The following FHIT variants were observed in gnomAD, a reference collection of about 807,000 sequenced individuals.
FHIT encodes bis(5'-adenosyl)-triphosphatase.
In FHIT, 19 loss-of-function variants were observed where a neutral mutation model predicts 17.9. The ratio of observed to expected loss-of-function variants is 1.06; its 90% confidence interval spans 0.74 to 1.56. FHIT has a LOEUF of 1.56. FHIT is among the 40% of genes most tolerant of loss of function. The pLI, the probability that FHIT is intolerant of heterozygous loss-of-function variation, is 0.00. For synonymous variants in FHIT, 81 were observed against 69.7 expected (o/e 1.16, Z -0.81); for missense variants, 248 against 189.2 (o/e 1.31, Z -1.82).
At chr3:60,287,370 T>C (rs909821051) in intron 5 of FHIT, among the ~76,000 whole-genome samples, 3 of 152,046 alleles carry the variant, frequency 2.0e-5, no homozygotes, top group African/African-American at 7.2e-5. Context: ...GCTTTCACCA[T>C]GTTAGCCAGG....
At chr3:60,344,764 AAAACT>A (rs1206948665) in intron 5 of FHIT, among the ~76,000 whole-genome samples, 43 of 152,298 alleles carry the variant, frequency 2.8e-4, no homozygotes, top group Middle Eastern at 3.4e-3. Context: ...AAGCCACACG[AAAACT>A]GTATTCTAAC....
chr3:60,111,045 T>G, intron 5 of FHIT, among the ~76,000 whole-genome samples: 1 of 151,884 alleles, frequency 6.6e-6, no homozygotes, highest in Non-Finnish European at 1.5e-5. Context: ...TTGTCAGAGG[T>G]GAACTATACA....
At chr3:60,048,093 G>A (rs891226455) in intron 5 of FHIT, among the ~76,000 whole-genome samples, 1 of 152,188 alleles carries the variant, frequency 6.6e-6, no homozygotes, top group African/African-American at 2.4e-5. Flanking sequence ...ATGCCTTTGT[G>A]TGTCCTAATC....
chr3:60,363,940 T>A (rs921411570), intron 5 of FHIT, among the ~76,000 whole-genome samples: 1 of 152,142 alleles, frequency 6.6e-6, no homozygotes, highest in East Asian at 1.9e-4. Flanking sequence ...CTTCTGTCCT[T>A]TGAGGTTCCC....
intron 2 of FHIT, among the ~76,000 whole-genome samples, chr3:61,102,162 A>C (rs902940157): frequency 6.6e-6 from 1 of 152,092 alleles, no homozygotes; most frequent in Admixed American, 6.6e-5. Flanking sequence ...TCCAGTTTTT[A>C]TCCATTCAGT....
At chr3:59,806,663 C>CAT (rs141582270) in intron 8 of FHIT, among the ~76,000 whole-genome samples, 1 of 21,152 alleles carries the variant, frequency 4.7e-5, no homozygotes, top group African/African-American at 1.5e-4. Flanking sequence ...TATATGTATA[C>CAT]ATATATATGT....
At chr3:60,309,478 G>C (rs909273171) in intron 5 of FHIT, among the ~76,000 whole-genome samples, 2 of 152,090 alleles carry the variant, frequency 1.3e-5, no homozygotes, top group Non-Finnish European at 2.9e-5. Context: ...CCAAGATGAC[G>C]ACAAAACTTT....
chr3:59,896,354 T>C (rs564055823), intron 8 of FHIT, among the ~76,000 whole-genome samples: 113 of 152,238 alleles, frequency 7.4e-4, no homozygotes, highest in Non-Finnish European at 1.3e-3. Flanking sequence ...TAAAAGAAAA[T>C]ATGTGTTAAC....
In FHIT at chr3:60,052,106, G is replaced by A. The variant is rs146410168; in HGVS notation, c.104-37954C>T. On this transcript the variant is annotated intron_variant, in intron 5 of 9. Coordinates refer to ENST00000492590, the MANE Select transcript of FHIT (RefSeq NM_002012.4). ...CTACCCCATGAGCCACTTGTTTTTA[G>A]GAGTGGCTTTCCCTTGTATATAAAA... 1.4e-3 allele frequency among the ~76,000 whole-genome samples: 206 copies of A among 152,224 alleles called. 4 individuals are homozygous for A. The highest frequency in any genetic ancestry group is 0.01 in the East Asian group (53 of 5,178).
chr3:60,782,079 T>C (rs782618166), intron 4 of FHIT, among the ~76,000 whole-genome samples: 1 of 152,170 alleles, frequency 6.6e-6, no homozygotes, highest in African/African-American at 2.4e-5. Flanking sequence ...TTGATTGTTT[T>C]AGATTCCACT....
At chr3:60,174,368 T>C (rs1701572139) in intron 5 of FHIT, among the ~76,000 whole-genome samples, 1 of 152,112 alleles carries the variant, frequency 6.6e-6, no homozygotes, top group Non-Finnish European at 1.5e-5. Flanking sequence ...TACTCTTGTG[T>C]CTGCAAAAAA....
chr3:60,793,573 G>A (rs1165824138), intron 4 of FHIT, among the ~76,000 whole-genome samples: 2 of 152,230 alleles, frequency 1.3e-5, no homozygotes, highest in Non-Finnish European at 2.9e-5. Context: ...AAAGTGCTGG[G>A]ATTATAGGCA....
chr3:60,324,192 G>A (rs554788469), intron 5 of FHIT, among the ~76,000 whole-genome samples: 10 of 152,240 alleles, frequency 6.6e-5, no homozygotes, highest in South Asian at 4.2e-4. Flanking sequence ...GAAAGGTCAA[G>A]TAATGGGCCC....
intron 5 of FHIT, among the ~76,000 whole-genome samples, chr3:60,450,412 C>A (rs1199783586): frequency 6.6e-6 from 1 of 151,836 alleles, no homozygotes; most frequent in Non-Finnish European, 1.5e-5. Flanking sequence ...GTATATATAT[C>A]TCTAAGAGCT....
In FHIT at chr3:60,758,576, G is replaced by A. The variant is rs782794653; in HGVS notation, c.-18+63343C>T. ...GAGGTAAAATGCCAAAATCATGGGC[G>A]TGCGGATTCAGAAAATAAAATAAGC... On this transcript the variant is annotated intron_variant, in intron 4 of 9. Coordinates refer to ENST00000492590, the MANE Select transcript of FHIT (RefSeq NM_002012.4). Among the ~76,000 whole-genome samples, 4 of 152,182 alleles carry A rather than the reference G, an allele frequency of 2.6e-5. No individual in the cohort carries two copies. The South Asian group carries it at 8.3e-4, about 32-fold the overall frequency.
At chr3:59,854,973 G>C (rs1017254809) in intron 8 of FHIT, among the ~76,000 whole-genome samples, 1 of 152,182 alleles carries the variant, frequency 6.6e-6, no homozygotes, top group Admixed American at 6.5e-5. Context: ...CTACAGACCT[G>C]ATTACTAAAA....
At chr3:60,513,927 AAGAGG>A (rs1559504272) in intron 5 of FHIT, among the ~76,000 whole-genome samples, 1 of 152,154 alleles carries the variant, frequency 6.6e-6, no homozygotes, top group East Asian at 1.9e-4. Context: ...AACAGGAGAG[AAGAGG>A]AGAGAAGTGT....
At chr3:60,868,554 C>T (rs1704263966) in intron 3 of FHIT, among the ~76,000 whole-genome samples, 1 of 152,108 alleles carries the variant, frequency 6.6e-6, no homozygotes, top group African/African-American at 2.4e-5. Flanking sequence ...ACAATCAGAG[C>T]TCCCTTTTTA....
At chr3:61,041,151 C>T (rs1364444771) in intron 3 of FHIT, among the ~76,000 whole-genome samples, 2 of 152,126 alleles carry the variant, frequency 1.3e-5, no homozygotes, top group Non-Finnish European at 2.9e-5. Context: ...GAGGCTGAGG[C>T]AGGCAGATCA....
Sources: allele counts gnomAD v4.1 joint callset (sites outside exome capture counted in the v4.1 genomes callset), GRCh38; gene constraint gnomAD v4.1.1; transcripts MANE v1.5; gene names NCBI Gene and HGNC (gene_info 2026-07-23, HGNC 2026-07-21).